Variants in PHACTR3 observed in about 807,000 individuals in gnomAD.
PHACTR3 encodes the protein protein phosphatase 1, regulatory subunit 123.
In PHACTR3, 16 loss-of-function variants were observed where a neutral mutation model predicts 66.8. That is an observed-to-expected ratio of 0.24 (90% CI 0.16 to 0.36). The LOEUF is 0.36. PHACTR3 is among the 10% of genes least tolerant of loss of function. The pLI is 1.00. For synonymous variants in PHACTR3, 323 were observed against 292.1 expected (o/e 1.11, Z -1.08); for missense variants, 647 against 719.9 (o/e 0.90, Z 1.16).
intron 1 of PHACTR3, among the ~76,000 whole-genome samples, chr20:59,728,989 G>A (rs533581307): frequency 6.6e-6 from 1 of 152,250 alleles, no homozygotes; most frequent in East Asian, 1.9e-4. Context: ...GTGGAGGAGA[G>A]CCTCCCTTGA....
intron 1 of PHACTR3, among the ~76,000 whole-genome samples, chr20:59,725,187 A>C (rs924075740): frequency 2.0e-5 from 3 of 151,704 alleles, no homozygotes; most frequent in African/African-American, 7.3e-5. Context: ...CTGTGAACCC[A>C]GGTGTGCTGT....
At chr20:59,811,803 T>C (rs925413907) in intron 8 of PHACTR3, among the ~76,000 whole-genome samples, 1 of 152,184 alleles carries the variant, frequency 6.6e-6, no homozygotes, top group Non-Finnish European at 1.5e-5. Flanking sequence ...CAGCCGTCTT[T>C]GTCTCAGCTG....
chr20:59,624,924 C>T (rs1156830331), intron 1 of PHACTR3, among the ~76,000 whole-genome samples: 1 of 152,138 alleles, frequency 6.6e-6, no homozygotes, highest in Admixed American at 6.5e-5. Flanking sequence ...TTTATTCCAA[C>T]ATCCTTAGTA....
intron 1 of PHACTR3, among the ~76,000 whole-genome samples, chr20:59,632,116 T>G (rs2034687726): frequency 6.6e-6 from 1 of 152,176 alleles, no homozygotes; most frequent in East Asian, 1.9e-4. Context: ...TGCTACCACA[T>G]GCCCTTCATA....
At chr20:59,748,527 A>G (rs1009895229) in intron 3 of PHACTR3, among the ~76,000 whole-genome samples, 1 of 152,216 alleles carries the variant, frequency 6.6e-6, no homozygotes, top group Non-Finnish European at 1.5e-5. Flanking sequence ...GCCAGTTATT[A>G]TCACTCATGC....
chr20:59,758,657 A>T (rs1046995983), intron 4 of PHACTR3, among the ~76,000 whole-genome samples: 1 of 152,192 alleles, frequency 6.6e-6, no homozygotes, highest in African/African-American at 2.4e-5. Flanking sequence ...CCCTGGAAGC[A>T]GCCCCCGGAG....
chr20:59,651,474 T>G (rs961628435), intron 1 of PHACTR3, among the ~76,000 whole-genome samples: 2 of 152,176 alleles, frequency 1.3e-5, no homozygotes, highest in African/African-American at 4.8e-5. Flanking sequence ...CATATGAACC[T>G]TATGGAAGGA....
chr20:59,706,221 G>C (rs1439293070), intron 1 of PHACTR3, among the ~76,000 whole-genome samples: 2 of 152,152 alleles, frequency 1.3e-5, no homozygotes, highest in Non-Finnish European at 2.9e-5. Flanking sequence ...TTCTGCAAAA[G>C]ACAATAGGGT....
At chr20:59,605,400 G>A (rs1322637674) in intron 1 of PHACTR3, among the ~76,000 whole-genome samples, 1 of 152,230 alleles carries the variant, frequency 6.6e-6, no homozygotes, top group Non-Finnish European at 1.5e-5. Flanking sequence ...TCCCCTCGAA[G>A]GAGGCTTCCT....
intron 1 of PHACTR3, among the ~76,000 whole-genome samples, chr20:59,659,158 G>A: frequency 6.6e-6 from 1 of 152,082 alleles, no homozygotes; most frequent in Non-Finnish European, 1.5e-5. Flanking sequence ...AAAGTTGTGT[G>A]ATAATTTCAA....
At chr20:59,688,180 G>T (rs1225373786) in intron 1 of PHACTR3, among the ~76,000 whole-genome samples, 3 of 152,114 alleles carry the variant, frequency 2.0e-5, no homozygotes, top group Admixed American at 2.0e-4. Context: ...AGATAATTTA[G>T]GTGCAAAAAG....
intron 7 of PHACTR3, among the ~76,000 whole-genome samples, chr20:59,777,145 G>T (rs903330170): frequency 6.6e-6 from 1 of 152,166 alleles, no homozygotes; most frequent in African/African-American, 2.4e-5. Flanking sequence ...CCCTGCCTCC[G>T]TGGGCACATA....
At chr20:59,692,512 T>C (rs2037147895) in intron 1 of PHACTR3, among the ~76,000 whole-genome samples, 1 of 152,226 alleles carries the variant, frequency 6.6e-6, no homozygotes, top group Non-Finnish European at 1.5e-5. Flanking sequence ...TGATGGATGC[T>C]TCTAGTGATG....
intron 4 of PHACTR3, among the ~76,000 whole-genome samples, chr20:59,762,997 G>A (rs181138027): frequency 6.6e-6 from 1 of 152,314 alleles, no homozygotes; most frequent in Admixed American, 6.5e-5. Flanking sequence ...TGAACCTGGT[G>A]AAAGTAGGTG....
chr20:59,630,146 A>G (rs1396011290), intron 1 of PHACTR3, among the ~76,000 whole-genome samples: 1 of 152,152 alleles, frequency 6.6e-6, no homozygotes, highest in Non-Finnish European at 1.5e-5. Context: ...TTAATTTTAT[A>G]AAGAACGTTC....
intron 1 of PHACTR3, among the ~76,000 whole-genome samples, chr20:59,696,035 T>A (rs73142831): frequency 6.6e-6 from 1 of 152,296 alleles, no homozygotes; most frequent in Non-Finnish European, 1.5e-5. Flanking sequence ...ACCCAGACTA[T>A]TTTGTTTTGA....
At chr20:59,595,027 G>A (rs1320689309) in intron 1 of PHACTR3, among the ~76,000 whole-genome samples, 2 of 152,058 alleles carry the variant, frequency 1.3e-5, no homozygotes, top group Non-Finnish European at 2.9e-5. Context: ...AATTTCACTC[G>A]AGATTTCTTC....
Position 59,847,395 on chromosome 20 carries a change from C to CTGT in PHACTR3, c.*270_*272dup. The CTGT allele has an allele frequency of 2.9e-6, 1 of 345,634 alleles. No homozygotes were observed. Among genetic ancestry groups the CTGT allele is most frequent in the East Asian group, 3.9e-5 (1 of 25,372 alleles). 21.4% of individuals were successfully genotyped at this position (345,634 alleles called of 1,614,324 possible). A position where few individuals can be genotyped will look rare whatever the true frequency, so the allele number is the denominator to read the frequency against. The stretch of plus-strand genomic sequence containing the variant: ...CCAACATAACTCTATCAGAAGAAAA[C>CTGT]TGTTGTTTGCCTTTCAACCTTGTTT... On this transcript the variant is annotated 3_prime_UTR_variant, in exon 13 of 13. Transcript: ENST00000371015.
chr20:59,831,755 C>T (rs1430302619), intron 8 of PHACTR3, among the ~76,000 whole-genome samples: 3 of 152,218 alleles, frequency 2.0e-5, no homozygotes, highest in Non-Finnish European at 4.4e-5. Flanking sequence ...TGGCGGCATC[C>T]CTGCCCCAGC....
Sources: allele counts gnomAD v4.1 joint callset (sites outside exome capture counted in the v4.1 genomes callset), GRCh38; gene constraint gnomAD v4.1.1; transcripts MANE v1.5; gene names NCBI Gene and HGNC (gene_info 2026-07-23, HGNC 2026-07-21).